The following CD22 variants were observed in gnomAD, a reference collection of about 807,000 sequenced individuals.
CD22 encodes B-cell receptor CD22.
CD22 carries 51 observed loss-of-function variants against 94.7 expected under a neutral mutation model. The ratio of observed to expected loss-of-function variants is 0.54; its 90% CI spans 0.43 to 0.68. CD22 has a LOEUF of 0.68. CD22 is among the 30% of genes least tolerant of loss of function. The pLI, the probability that CD22 is intolerant of heterozygous loss-of-function variation, is 0.00. For missense variants in CD22, 931 were observed against 1,060.4 expected (o/e 0.88, Z 1.69); for synonymous variants, 424 against 422.5 (o/e 1.00, Z -0.04).
In CD22 at chr19:35,337,722, G is replaced by GC. The variant is rs757960719; in HGVS notation, c.719-28dup. The stretch of plus-strand genomic sequence containing the variant: ...ACCCTCCACCCTCTGAGGATTCCCC[G>GC]CCCCCTCCCCGACTGCCCCTCTGCT... On this transcript the variant is annotated intron_variant, in intron 4 of 13. Transcript: ENST00000085219. The surrounding 1 kb of genome is among the most constrained non-coding windows in gnomAD (Gnocchi z 4.4). The GC allele has an allele frequency of 3.5e-5, 54 of 1,542,768 alleles. No homozygotes were observed. The highest frequency in any genetic ancestry group is 3.0e-4 in the Admixed American group (17 of 57,458).
intron 6 of CD22, among the ~76,000 whole-genome samples, chr19:35,339,706 A>G (rs958953191): frequency 6.6e-6 from 1 of 152,018 alleles, no homozygotes; most frequent in Non-Finnish European, 1.5e-5. Flanking sequence ...AAATACAAAA[A>G]ATTAGCCGGG....
rs758916954 is a variant in CD22 at position 35,344,852 on chromosome 19, C to T, written c.2059C>T (p.Arg687Ter). 5.6e-6 allele frequency: 9 copies of T among 1,613,262 alleles called. No individual in the cohort carries two copies. The highest frequency in any genetic ancestry group is 1.1e-5 in the South Asian group (1 of 91,014). ...VYYSPETIGR[R>*]VAVGLGSCLA... ...AGATAGCCCGGAGACCATCGGCAGG[C>T]GAGTGGCTGTGGGACTCGGGTCCTG... Residue 687 changes from arginine to a stop codon, truncating the protein, a stop_gained, in exon 10 of 14, where the codon CGA (arginine) becomes TGA (stop). Coordinates refer to ENST00000085219, the MANE Select transcript of CD22 (RefSeq NM_001771.4). LOFTEE classifies it high-confidence loss of function.
At chr19:35,335,674 G>A (rs535737673) in intron 3 of CD22, among the ~76,000 whole-genome samples, 14 of 152,142 alleles carry the variant, frequency 9.2e-5, no homozygotes, top group East Asian at 1.9e-4. Context: ...CCAACATGGC[G>A]AAACCCTGTC....
At chr19:35,342,060 T>TCC (rs1201790382) in intron 9 of CD22, 95 bp downstream of exon 9, 2 of 1,104,394 alleles carry the variant, frequency 1.8e-6, no homozygotes, top group Admixed American at 2.5e-5. Context: ...CTTCCTTTCT[T>TCC]TCTCTCTTTC....
intron 13 of CD22, 58 bp downstream of exon 13, chr19:35,346,293 C>G: frequency 6.9e-7 from 1 of 1,457,070 alleles, no homozygotes. Context: ...GGGACAGGGC[C>G]TGGCCTCAGT....
At chr19:35,342,229 G>A (rs2066826816) in intron 9 of CD22, among the ~76,000 whole-genome samples, 2 of 151,668 alleles carry the variant, frequency 1.3e-5, no homozygotes, top group Non-Finnish European at 2.9e-5. Flanking sequence ...GAGTGCAGTC[G>A]CATAATGACA....
At chr19:35,345,788 C>T (rs1751626156) in intron 12 of CD22, 68 bp downstream of exon 12, 1 of 1,119,552 alleles carries the variant, frequency 8.9e-7, no homozygotes, top group East Asian at 2.4e-5. Context: ...CTCTGTCCCG[C>T]CTGCCCTCTT....
chr19:35,341,961 C>G lies in CD22; in HGVS notation c.2031C>G (p.Val677=), dbSNP rs775873194. Reference sequence around the variant, plus strand: ...GTTCGCCTCTCAGCACCCTCACCGTCTACTGTAAGGCCTCTTCCTGCTCTT... The same window carrying G: ...GTTCGCCTCTCAGCACCCTCACCGTGTACTGTAAGGCCTCTTCCTGCTCTT... The part of the protein sequence containing the change: ...KGRSPLSTLT[V]YYSPETIGRR... The change falls in exon 9 of 14, where the codon GTC becomes GTG. Residue 677 remains valine, a synonymous_variant. Coordinates refer to ENST00000085219, the MANE Select transcript of CD22 (RefSeq NM_001771.4). This position sits in a 1 kb window ranked among gnomAD's most constrained non-coding sequence, Gnocchi z 4.0. 1 of 1,611,460 alleles carries G rather than the reference C, an allele frequency of 6.2e-7. No homozygotes were observed. Among genetic ancestry groups the G allele is most frequent in the South Asian group, 1.1e-5 (1 of 90,758 alleles).
intron 1 of CD22, among the ~76,000 whole-genome samples, chr19:35,330,207 A>C (rs1390954550): frequency 6.6e-6 from 1 of 152,150 alleles, no homozygotes; most frequent in Non-Finnish European, 1.5e-5. Flanking sequence ...GTGGTGGCAC[A>C]TGCCTATAGT....
chr19:35,344,083 C>T (rs1303626476), intron 9 of CD22, among the ~76,000 whole-genome samples: 1 of 152,238 alleles, frequency 6.6e-6, no homozygotes, highest in Non-Finnish European at 1.5e-5. Flanking sequence ...GTAGTCCCAA[C>T]TACTCGGGAG....
At chr19:35,332,240 A>G (rs1429669579) in intron 2 of CD22, 166 bp downstream of exon 2, 3 of 704,280 alleles carry the variant, frequency 4.3e-6, no homozygotes, top group Non-Finnish European at 7.3e-6. Context: ...ATATACATAC[A>G]CTTCTCTCAT....
chr19:35,329,306 C>A, intron 1 of CD22, 76 bp downstream of exon 1: 1 of 964,418 alleles, frequency 1.0e-6, no homozygotes, highest in Non-Finnish European at 1.4e-6. Context: ...CCAGGCATAC[C>A]TCCCAGAGCT....
In CD22 at chr19:35,341,253, GC is replaced by G. The variant is rs1487635039; in HGVS notation, c.1508-88del. 1.3e-6 allele frequency: 2 copies of G among 1,594,184 alleles called. No homozygotes were observed. Among genetic ancestry groups the G allele is most frequent in the Non-Finnish European group, 1.7e-6 (2 of 1,167,884 alleles). On this transcript the variant is annotated intron_variant, in intron 7 of 13. Transcript: ENST00000085219. This position sits in a 1 kb window ranked among gnomAD's most constrained non-coding sequence, Gnocchi z 4.0. ...TCTTCAACAGAATTGAGGGACAGGAGCCTGGCGTCAGGGCCAAGGGGAGGGG... is the reference window on the plus strand; with the variant it reads ...TCTTCAACAGAATTGAGGGACAGGAGCTGGCGTCAGGGCCAAGGGGAGGGG...
In CD22 at chr19:35,346,818, GCACACA is replaced by G. The variant is rs113404776; in HGVS notation, c.*135_*140del. 5.1e-4 allele frequency: 343 copies of G among 666,070 alleles called. No homozygotes were observed. The highest frequency in any genetic ancestry group is 6.9e-4 in the Non-Finnish European group (293 of 423,376). The allele number at this position is 666,070 out of a possible 1,614,324, so 41.3% of individuals were successfully genotyped here. A position where few individuals can be genotyped will look rare whatever the true frequency, so the allele number is the denominator to read the frequency against. On this transcript the variant is annotated 3_prime_UTR_variant, in exon 14 of 14. Coordinates refer to ENST00000085219, the MANE Select transcript of CD22 (RefSeq NM_001771.4). The stretch of plus-strand genomic sequence containing the variant: ...CATGTGCGCACACACACACACACAC[GCACACA>G]CACACACACACACTCACTGCGGAGA...
At position 35,345,506 on chromosome 19, in the gene CD22, A is replaced by G. The variant is rs1599694626; in HGVS notation, c.2209-96A>G. ...GAAACAAGGTGAAGGAAGGGGATAA[A>G]ATGTCCTCTGAGGAGACCTGGGCTG... On this transcript the variant is annotated intron_variant, in intron 11 of 13. Coordinates refer to ENST00000085219, the MANE Select transcript of CD22 (RefSeq NM_001771.4). The G allele has an allele frequency of 1.6e-5, 12 of 729,080 alleles. No individual in the cohort carries two copies. The East Asian group carries it at 3.0e-4, about 18-fold the overall frequency. 45.2% of individuals were successfully genotyped at this position (729,080 alleles called of 1,614,324 possible).
chr19:35,331,928 G>C, intron 1 of CD22, 91 bp from the exon 2 acceptor site: 1 of 1,600,518 alleles, frequency 6.2e-7, no homozygotes, highest in African/African-American at 1.3e-5. Flanking sequence ...CGGATCCAGG[G>C]GAAGGGTCGG....
At chr19:35,344,987 C>T (rs2066879364) in intron 10 of CD22, 62 bp downstream of exon 10, 9 of 1,598,892 alleles carry the variant, frequency 5.6e-6, no homozygotes, top group African/African-American at 1.3e-5. Flanking sequence ...TGTCCAGTTG[C>T]TCCATCTCGA....
chr19:35,341,397 C>T lies in CD22; in HGVS notation c.1562C>T (p.Ser521Phe). The change falls in exon 8 of 14, where the codon TCT becomes TTT. Residue 521 changes from serine (S) to phenylalanine (F), a missense_variant. By Grantham distance (155) the Ser-to-Phe change is radical. Transcript: ENST00000085219. The surrounding 1 kb of genome is among the most constrained non-coding windows in gnomAD (Gnocchi z 4.0). ...ATCAAGCCCCTTTCCGAGATTCACT[C>T]TGGAAACTCGGTCAGCCTCCAATGT... ...RKIKPLSEIH[S>F]GNSVSLQCDF... 1 of 1,613,904 alleles carries T rather than the reference C, an allele frequency of 6.2e-7. No individual in the cohort carries two copies. Among genetic ancestry groups the T allele is most frequent in the South Asian group, 1.1e-5 (1 of 91,058 alleles).
chr19:35,339,642 G>A (rs1190531197), intron 6 of CD22, among the ~76,000 whole-genome samples: 3 of 152,186 alleles, frequency 2.0e-5, no homozygotes, highest in Non-Finnish European at 4.4e-5. Context: ...GATCACCTGA[G>A]GTCAGGAGTT....
Sources: gnomAD v4.1 joint callset for allele counts (sites outside exome capture counted in the v4.1 genomes callset) on GRCh38, gnomAD v4.1.1 for gene constraint, Gnocchi (gnomAD v3.1) non-coding constraint, MANE v1.5 for transcripts, NCBI Gene and HGNC (gene_info 2026-07-23, HGNC 2026-07-21) for gene names.